The following ANKFN1 variants were observed in gnomAD, a reference collection of about 807,000 sequenced individuals.
ANKFN1 encodes ankyrin repeat and fibronectin type-III domain-containing protein 1.
In ANKFN1, 74 loss-of-function variants were observed where a neutral mutation model predicts 108.7. That is an observed-to-expected ratio of 0.68 (90% CI 0.56 to 0.83). The LOEUF is 0.83. Among genes scored for constraint, ANKFN1 ranks in the 40% least tolerant of loss-of-function variants. ANKFN1 has a pLI of 0.00. For missense variants in ANKFN1, 1,505 were observed against 1,382.3 expected (o/e 1.09, Z -1.41); for synonymous variants, 547 against 516.2 (o/e 1.06, Z -0.81).
chr17:56,154,221 A>T lies in ANKFN1; in HGVS notation c.-71+691A>T, dbSNP rs78424958. 2.0e-4 allele frequency among the ~76,000 whole-genome samples: 31 copies of T among 152,266 alleles called. No individual in the cohort carries two copies. In the East Asian group the frequency reaches 5.8e-3, roughly 28 times the overall value. On this transcript the variant is annotated intron_variant, in intron 1 of 20. Transcript: ENST00000682825. ...GAAATGCCTGTTATTGACTTGGTTA[A>T]TACTAATCACAGGTTTCTACAATAA...
intron 4 of ANKFN1, among the ~76,000 whole-genome samples, chr17:56,090,269 T>G (rs1301659941): frequency 6.6e-6 from 1 of 151,178 alleles, no homozygotes; most frequent in Non-Finnish European, 1.5e-5. Flanking sequence ...CCAACCTATC[T>G]GCAATAGAGA....
chr17:56,389,958 C>A (rs1331033131), intron 8 of ANKFN1, among the ~76,000 whole-genome samples: 1 of 152,184 alleles, frequency 6.6e-6, no homozygotes, highest in Non-Finnish European at 1.5e-5. Context: ...CTCTCCCACT[C>A]ACTTGCCCAC....
chr17:56,269,543 G>A (rs759002720), intron 3 of ANKFN1, among the ~76,000 whole-genome samples: 7 of 152,146 alleles, frequency 4.6e-5, no homozygotes, highest in Non-Finnish European at 1.0e-4. Context: ...AACTACATGA[G>A]GCTTGAGCAC....
chr17:56,361,165 T>C (rs1230711269), intron 6 of ANKFN1, among the ~76,000 whole-genome samples: 4 of 152,176 alleles, frequency 2.6e-5, no homozygotes, highest in Admixed American at 6.5e-5. Flanking sequence ...CCATCTTTTT[T>C]TTCTTTTTAA....
At chr17:56,204,015 TTTG>T (rs1914289433) in intron 1 of ANKFN1, among the ~76,000 whole-genome samples, 1 of 14,090 alleles carries the variant, frequency 7.1e-5, no homozygotes, top group African/African-American at 5.8e-4. Flanking sequence ...TCAGGCACTG[TTTG>T]TTTGTTTGTT....
chr17:56,498,212 A>G (rs1057005992), intron 19 of ANKFN1, among the ~76,000 whole-genome samples: 3 of 152,150 alleles, frequency 2.0e-5, no homozygotes, highest in African/African-American at 7.2e-5. Context: ...CTTACTCTAT[A>G]TGTAAGAAAG....
intron 1 of ANKFN1, among the ~76,000 whole-genome samples, chr17:56,161,344 C>T (rs1450734828): frequency 2.6e-5 from 4 of 152,102 alleles, no homozygotes; most frequent in African/African-American, 9.7e-5. Flanking sequence ...AGAAATGTAC[C>T]TGAAGGGGTC....
At chr17:56,302,330 G>T (rs1439627758) in intron 3 of ANKFN1, among the ~76,000 whole-genome samples, 11 of 152,094 alleles carry the variant, frequency 7.2e-5, no homozygotes, top group Admixed American at 6.6e-4. Flanking sequence ...TTTGAGACCA[G>T]TCTGGGCAAC....
chr17:56,376,724 G>T (rs2046958407), intron 8 of ANKFN1, among the ~76,000 whole-genome samples: 3 of 152,152 alleles, frequency 2.0e-5, no homozygotes, highest in African/African-American at 4.8e-5. Flanking sequence ...TTGCATTTGG[G>T]TGAGGTTGAA....
chr17:56,322,538 C>T (rs1319411302), intron 3 of ANKFN1, among the ~76,000 whole-genome samples: 2 of 152,176 alleles, frequency 1.3e-5, no homozygotes, highest in Non-Finnish European at 2.9e-5. Context: ...TTAGCTCCTG[C>T]TTACTTTTTG....
At chr17:56,400,714 T>C (rs2047734843) in intron 8 of ANKFN1, among the ~76,000 whole-genome samples, 1 of 152,230 alleles carries the variant, frequency 6.6e-6, no homozygotes, top group Admixed American at 6.5e-5. Flanking sequence ...ATTATTATAG[T>C]TTTAGGTCTT....
chr17:56,075,851 T>C (rs879311764), intron 4 of ANKFN1, among the ~76,000 whole-genome samples: 7 of 152,152 alleles, frequency 4.6e-5, no homozygotes, highest in Non-Finnish European at 1.0e-4. Flanking sequence ...AGACTGACCA[T>C]GTCAAGCACT....
In ANKFN1 at chr17:56,100,247, C is replaced by T. The variant is rs116816486; in HGVS notation, c.288+53922C>T. On this transcript the variant is annotated intron_variant, in intron 4 of 12. Transcript: ENST00000635860. Reference sequence around the variant, plus strand: ...TGCAAGGAAGTTGTTATACAAGTAACGGATGAATCAGATATGGAAAATGAG... The same window carrying T: ...TGCAAGGAAGTTGTTATACAAGTAATGGATGAATCAGATATGGAAAATGAG... 7.3e-3 allele frequency among the ~76,000 whole-genome samples: 1,118 copies of T among 152,242 alleles called. 5 individuals are homozygous for T. Among genetic ancestry groups the T allele is most frequent in the African/African-American group, 0.025 (1,045 of 41,534 alleles).
rs1018323211 is a variant in ANKFN1, at chr17:56,147,599, C to T, written c.289-80318C>T. On this transcript the variant is annotated intron_variant, in intron 4 of 12. Transcript: ENST00000635860. ...AGAACTAATTCCCTATCATGAGAACCGCCCCCATGATTCACTTATCTCCAC... is the reference window on the plus strand; with the variant it reads ...AGAACTAATTCCCTATCATGAGAACTGCCCCCATGATTCACTTATCTCCAC... Among the ~76,000 whole-genome samples, 11 of 151,604 alleles carry T rather than the reference C, an allele frequency of 7.3e-5. 1 individual carries two copies. Among genetic ancestry groups the T allele is most frequent in the South Asian group, 4.2e-4 (2 of 4,788 alleles).
At chr17:56,200,023 G>A (rs1913905042) in intron 1 of ANKFN1, among the ~76,000 whole-genome samples, 1 of 152,078 alleles carries the variant, frequency 6.6e-6, no homozygotes, top group East Asian at 1.9e-4. Flanking sequence ...CGAAGCTACT[G>A]GCAGCTGATG....
intron 3 of ANKFN1, among the ~76,000 whole-genome samples, chr17:56,306,185 TAA>T (rs1306837953): frequency 6.6e-6 from 1 of 152,208 alleles, no homozygotes; most frequent in Non-Finnish European, 1.5e-5. Flanking sequence ...TTTCCATACC[TAA>T]AAAACGTCTT....
chr17:56,448,398 G>C (rs1237284600), intron 10 of ANKFN1, among the ~76,000 whole-genome samples: 1 of 151,766 alleles, frequency 6.6e-6, no homozygotes, highest in Non-Finnish European at 1.5e-5. Context: ...AGAAGGGGGA[G>C]AAAAATCTCA....
At chr17:56,120,111 ATTT>A (rs1304497989) in intron 4 of ANKFN1, among the ~76,000 whole-genome samples, 1 of 151,946 alleles carries the variant, frequency 6.6e-6, no homozygotes, top group African/African-American at 2.4e-5. Flanking sequence ...ACATGTATTC[ATTT>A]TTTCAACATG....
intron 9 of ANKFN1, 96 bp downstream of exon 9, chr17:56,440,520 C>T (rs1180798168): frequency 3.2e-6 from 3 of 937,870 alleles, no homozygotes; most frequent in African/African-American, 3.3e-5. Context: ...CAGCCAACGC[C>T]CAGTCCTCTG....
Sources: gnomAD v4.1 joint callset for allele counts (sites outside exome capture counted in the v4.1 genomes callset) on GRCh38, gnomAD v4.1.1 for gene constraint, MANE v1.5 for transcripts, NCBI Gene and HGNC (gene_info 2026-07-23, HGNC 2026-07-21) for gene names.